Variants in NRXN1 observed in about 807,000 individuals in gnomAD.
NRXN1 encodes neurexin 1.
NRXN1 carries 39 observed loss-of-function variants against 150.9 expected under a neutral mutation model. The ratio of observed to expected loss-of-function variants is 0.26; its 90% CI spans 0.20 to 0.34. The LOEUF (loss-of-function observed/expected upper bound fraction) is 0.34. NRXN1 is among the 10% of genes least tolerant of loss of function. The pLI is 1.00. For missense variants in NRXN1, 1,815 were observed against 1,949.9 expected, an observed-to-expected ratio of 0.93 and a Z score of 1.30; for synonymous variants, 924 against 757.0, an observed-to-expected ratio of 1.22 and a Z score of -3.62.
In NRXN1 at chr2:50,698,645, A is replaced by G. The variant is rs143007817; in HGVS notation, c.833-75030T>C. Among the ~76,000 whole-genome samples, 1,012 of 152,304 alleles carry G rather than the reference A, an allele frequency of 6.6e-3. 11 individuals carry two copies. Among genetic ancestry groups the G allele is most frequent in the African/African-American group, 0.023 (966 of 41,564 alleles). ...AAACATAAACTTCTCAGAGGTTTTC[A>G]ATACATTTAAAAAGTAAAAAGGGAT... is the stretch of plus-strand genomic sequence containing the variant. On this transcript the variant is annotated intron_variant, in intron 5 of 22. Coordinates refer to ENST00000401669, the MANE Select transcript of NRXN1 (RefSeq NM_001330078.2).
At chr2:50,856,437 C>T (rs1389603150) in intron 5 of NRXN1, among the ~76,000 whole-genome samples, 2 of 151,986 alleles carry the variant, frequency 1.3e-5, no homozygotes, top group Non-Finnish European at 2.9e-5. Context: ...AAACAGATTT[C>T]CCTTTCAACT....
At chr2:50,319,068 T>C (rs2075825855) in intron 17 of NRXN1, among the ~76,000 whole-genome samples, 1 of 152,148 alleles carries the variant, frequency 6.6e-6, no homozygotes. Flanking sequence ...ATTTGGGATT[T>C]TTATTAAAAA....
chr2:50,935,072 C>T (rs374646068), intron 2 of NRXN1, among the ~76,000 whole-genome samples: 15 of 152,242 alleles, frequency 9.9e-5, no homozygotes, highest in Admixed American at 6.5e-4. Flanking sequence ...GTCTTTAAGT[C>T]TATGACCATT....
At chr2:50,584,309 C>T (rs1672757038) in intron 8 of NRXN1, among the ~76,000 whole-genome samples, 1 of 152,122 alleles carries the variant, frequency 6.6e-6, no homozygotes, top group Non-Finnish European at 1.5e-5. Flanking sequence ...ACTCAATATG[C>T]TAAGTTGTTT....
intron 8 of NRXN1, among the ~76,000 whole-genome samples, chr2:50,588,314 G>C (rs1163979033): frequency 2.0e-5 from 3 of 152,076 alleles, no homozygotes; most frequent in Non-Finnish European, 4.4e-5. Context: ...TTATGAACAG[G>C]AAATAATAAA....
chr2:50,346,234 G>GC lies in NRXN1; in HGVS notation c.3365-109265dup, dbSNP rs1049716086. Among the ~76,000 whole-genome samples, 11 of 152,102 alleles carry GC rather than the reference G, an allele frequency of 7.2e-5. No individual in the cohort carries two copies. The highest frequency in any genetic ancestry group is 1.3e-4 in the Non-Finnish European group (9 of 68,006). On this transcript the variant is annotated intron_variant, in intron 17 of 22. Coordinates refer to ENST00000401669, the MANE Select transcript of NRXN1 (RefSeq NM_001330078.2). The surrounding 1 kb of genome is among the most constrained non-coding windows in gnomAD (Gnocchi z 5.0). ...TGCGGGCTGGAATCTCTCCCTCCCCGCCCCCCGGGGCCAGGGAAGATGGGC... is the reference window on the plus strand; with the variant it reads ...TGCGGGCTGGAATCTCTCCCTCCCCGCCCCCCCGGGGCCAGGGAAGATGGGC...
chr2:50,224,734 A>AGAGAGAGAGAGAGAG (rs2064210357), intron 18 of NRXN1, among the ~76,000 whole-genome samples: 3 of 124,938 alleles, frequency 2.4e-5, no homozygotes, highest in Non-Finnish European at 3.5e-5. Context: ...AGAGAGAGAG[A>AGAGAGAGAGAGAGAG]ATGGTTAAAT....
At chr2:50,641,443 A>C (rs1377553063) in intron 5 of NRXN1, among the ~76,000 whole-genome samples, 1 of 152,124 alleles carries the variant, frequency 6.6e-6, no homozygotes, top group African/African-American at 2.4e-5. Flanking sequence ...GATTCTCTTC[A>C]GTGAAACATT....
intron 18 of NRXN1, among the ~76,000 whole-genome samples, chr2:50,114,687 G>A (rs1702799693): frequency 6.6e-6 from 1 of 152,086 alleles, no homozygotes; most frequent in African/African-American, 2.4e-5. Context: ...TAAAAGAAAT[G>A]GGCTATCAAG....
At chr2:50,445,003 C>A (rs997930351) in intron 17 of NRXN1, among the ~76,000 whole-genome samples, 2 of 152,066 alleles carry the variant, frequency 1.3e-5, no homozygotes. Context: ...TAATTTAACA[C>A]CAAAATAACT....
chr2:50,213,265 C>A (rs1054401309), intron 18 of NRXN1, among the ~76,000 whole-genome samples: 6 of 151,784 alleles, frequency 4.0e-5, no homozygotes, highest in Admixed American at 2.6e-4. Flanking sequence ...CAGAAGTGAA[C>A]CAGACAGACA....
At chr2:50,782,898 G>C (rs1704547852) in intron 5 of NRXN1, among the ~76,000 whole-genome samples, 1 of 152,182 alleles carries the variant, frequency 6.6e-6, no homozygotes, top group South Asian at 2.1e-4. Context: ...CAAAGGCAAA[G>C]CTGTTGAACA....
rs1302847590 is a variant in NRXN1, at chr2:50,300,547, T to C, written c.3365-63577A>G. On this transcript the variant is annotated intron_variant, in intron 17 of 22. Coordinates refer to ENST00000401669, the MANE Select transcript of NRXN1 (RefSeq NM_001330078.2). ...GAGCTGGCCACAAGGCCATACAATATAAAGAAGGAATTTTTCAGTCTCCCT... is the reference window on the plus strand; with the variant it reads ...GAGCTGGCCACAAGGCCATACAATACAAAGAAGGAATTTTTCAGTCTCCCT... Among the ~76,000 whole-genome samples the C allele has an allele frequency of 3.9e-5, 6 of 152,116 alleles. No individual in the cohort carries two copies. In the East Asian group the frequency reaches 7.7e-4, roughly 20 times the overall value.
intron 21 of NRXN1, among the ~76,000 whole-genome samples, chr2:50,039,584 G>T (rs940888233): frequency 6.6e-6 from 1 of 152,162 alleles, no homozygotes; most frequent in Non-Finnish European, 1.5e-5. Context: ...CCAAAGAAAA[G>T]CCTGTAGCTC....
intron 5 of NRXN1, among the ~76,000 whole-genome samples, chr2:50,717,335 A>G (rs1695996004): frequency 1.3e-5 from 2 of 152,182 alleles, no homozygotes; most frequent in Admixed American, 6.6e-5. Context: ...CACTACATGT[A>G]CTTCCTGGTA....
At chr2:50,617,561 G>T (rs918170590) in intron 8 of NRXN1, among the ~76,000 whole-genome samples, 5 of 152,114 alleles carry the variant, frequency 3.3e-5, no homozygotes, top group African/African-American at 4.8e-5. Flanking sequence ...CAAGAAAAAA[G>T]TGACCGTGCT....
At chr2:50,340,400 C>T (rs76044510) in intron 17 of NRXN1, among the ~76,000 whole-genome samples, 3,242 of 152,166 alleles carry the variant, frequency 0.021, 122 homozygotes, top group African/African-American at 0.075. Flanking sequence ...ATGAAAGAAG[C>T]GGGTGCTTTT....
chr2:50,241,307 A>G (rs542552336), intron 17 of NRXN1, among the ~76,000 whole-genome samples: 127 of 151,944 alleles, frequency 8.4e-4, no homozygotes, highest in African/African-American at 2.9e-3. Flanking sequence ...ATCTTTACAG[A>G]AACATGTTTT....
At chr2:49,988,123 T>C (rs1240595774) in intron 21 of NRXN1, among the ~76,000 whole-genome samples, 1 of 152,062 alleles carries the variant, frequency 6.6e-6, no homozygotes, top group Admixed American at 6.5e-5. Flanking sequence ...TGCTGCAAAA[T>C]GTGATGGTTG....
Sources: gnomAD v4.1 joint callset for allele counts (sites outside exome capture counted in the v4.1 genomes callset) on GRCh38, gnomAD v4.1.1 for gene constraint, Gnocchi (gnomAD v3.1) non-coding constraint, MANE v1.5 for transcripts, NCBI Gene and HGNC (gene_info 2026-07-23, HGNC 2026-07-21) for gene names.